The following EPB41L1 variants were observed in gnomAD, a reference collection of about 807,000 sequenced individuals.
EPB41L1 encodes band 4.1-like protein 1.
EPB41L1 carries 29 observed loss-of-function variants against 97.8 expected under a neutral mutation model. The observed-to-expected ratio is 0.30, with a 90% CI of 0.22 to 0.40. EPB41L1 has a LOEUF of 0.40. Ranked by LOEUF, EPB41L1 falls within the 10% of genes least tolerant of loss-of-function variation. The pLI is 1.00. For missense variants in EPB41L1, 812 were observed against 1,162.3 expected (o/e 0.70, Z 4.38); for synonymous variants, 383 against 459.2 (o/e 0.83, Z 2.12).
intron 2 of EPB41L1, among the ~76,000 whole-genome samples, chr20:36,149,333 T>C (rs962111922): frequency 6.6e-6 from 1 of 152,208 alleles, no homozygotes; most frequent in African/African-American, 2.4e-5. Flanking sequence ...TTGTATACTG[T>C]GACCTGCTAT....
chr20:36,131,800 T>G (rs935620538), intron 2 of EPB41L1, among the ~76,000 whole-genome samples: 1 of 152,194 alleles, frequency 6.6e-6, no homozygotes, highest in Non-Finnish European at 1.5e-5. Context: ...GTGCTCTCTT[T>G]CCCTGATGCC....
intron 5 of EPB41L1, among the ~76,000 whole-genome samples, chr20:36,179,548 C>T (rs1404035371): frequency 6.6e-6 from 1 of 152,204 alleles, no homozygotes; most frequent in African/African-American, 2.4e-5. Context: ...GAAAGCATGT[C>T]GGGAAGGGAT....
rs1408728776 is a variant in EPB41L1, at chr20:36,209,947, C to T, written c.2079+49C>T. 1.9e-6 allele frequency: 3 copies of T among 1,601,640 alleles called. No homozygotes were observed. The highest frequency in any genetic ancestry group is 1.1e-5 in the South Asian group (1 of 89,388). ...CCAGGCCCGCTGGGCACCGCATGCT[C>T]AGAGGGCCCTGGGCCACCCGTGAGA... On this transcript the variant is annotated intron_variant, in intron 15 of 21. Transcript: ENST00000338074. The surrounding 1 kb of genome is among the most constrained non-coding windows in gnomAD (Gnocchi z 4.2).
At position 36,190,900 on chromosome 20, in the gene EPB41L1, A is replaced by G; in HGVS notation, c.1300+103A>G. 12 of 1,477,616 alleles carry G rather than the reference A, an allele frequency of 8.1e-6. No homozygotes were observed. Among genetic ancestry groups the G allele is most frequent in the African/African-American group, 1.4e-5 (1 of 72,284 alleles). 91.5% of individuals were successfully genotyped at this position (1,477,616 alleles called of 1,614,324 possible). A position where few individuals can be genotyped will look rare whatever the true frequency, so the allele number is the denominator to read the frequency against. On this transcript the variant is annotated intron_variant, in intron 11 of 21. Coordinates refer to ENST00000338074, the MANE Select transcript of EPB41L1 (RefSeq NM_012156.2). This position sits in a 1 kb window ranked among gnomAD's most constrained non-coding sequence, Gnocchi z 5.8. ...GAATGAGCAGGAAAATGGTAGATGC[A>G]TCCCAAGTTCATCTGCACCAGGCTG...
At chr20:36,180,739 C>T (rs1242521168) in intron 5 of EPB41L1, among the ~76,000 whole-genome samples, 2 of 152,184 alleles carry the variant, frequency 1.3e-5, no homozygotes, top group Non-Finnish European at 1.5e-5. Flanking sequence ...TGCCTGCACA[C>T]AGTAGCACCC....
chr20:36,102,893 A>G (rs1016856651), intron 1 of EPB41L1, among the ~76,000 whole-genome samples: 3 of 152,102 alleles, frequency 2.0e-5, no homozygotes, highest in African/African-American at 7.2e-5. Context: ...TGCCAAGGGG[A>G]GGGCTGCGAA....
rs1490759199 is a variant in EPB41L1 at position 36,232,666 on chromosome 20, C to G, written c.*3326C>G. 2.5e-6 allele frequency: 1 copy of G among 398,908 alleles called. No homozygotes were observed. The highest frequency in any genetic ancestry group is 4.4e-6 in the Non-Finnish European group (1 of 226,132). The allele number at this position is 398,908 out of a possible 1,614,324, so 24.7% of individuals were successfully genotyped here. On this transcript the variant is annotated 3_prime_UTR_variant, in exon 22 of 22. Transcript: ENST00000338074. The stretch of plus-strand genomic sequence containing the variant: ...CAACCAATTGCGATGCTGTCCTGTT[C>G]CTTTTTACTCACACCCTTCTCTCCT...
intron 1 of EPB41L1, among the ~76,000 whole-genome samples, chr20:36,105,279 C>G (rs937334795): frequency 6.6e-6 from 1 of 152,068 alleles, no homozygotes. Context: ...CTTCCAAGGT[C>G]AGAGCTAGGA....
rs141620088 is a variant in EPB41L1 at position 36,221,867 on chromosome 20, G to A, written c.2443G>A (p.Val815Met). ...TCACCTCCCTCTCCCTCTGCAGACT[G>A]TGAAAGGAGGGTTTTCTGAGACAAG... ...TSTTTHVTKT[V>M]KGGFSETRIE... Residue 815 changes from valine to methionine, a missense_variant, in exon 20 of 22, where the codon GTG becomes ATG. By Grantham distance (21) the Val-to-Met change is conservative. This residue lies in a region of EPB41L1 where 498 missense variants were observed against 622.7 expected (regional missense o/e 0.80). Transcript: ENST00000338074. The A allele has an allele frequency of 3.1e-6, 5 of 1,614,062 alleles. No homozygotes were observed. Among genetic ancestry groups the A allele is most frequent in the African/African-American group, 1.3e-5 (1 of 74,930 alleles).
chr20:36,187,661 CT>C lies in EPB41L1; in HGVS notation c.786-12del, dbSNP rs1669824164. The C allele has an allele frequency of 8.7e-6, 14 of 1,612,090 alleles. No individual in the cohort carries two copies. The highest frequency in any genetic ancestry group is 1.2e-5 in the Non-Finnish European group (14 of 1,178,476). On this transcript the variant is annotated splice_polypyrimidine_tract_variant and intron_variant, in intron 7 of 21. Transcript: ENST00000338074. ...CCTTTCCCTTGGTCACCTGTGATCA[CT>C]TTCTTTCCCTCAGGGGGATGACCCC...
At chr20:36,153,636 C>T (rs1021273112), upstream of EPB41L1, among the ~76,000 whole-genome samples, 2 of 152,150 alleles carry the variant, frequency 1.3e-5, no homozygotes, top group Admixed American at 6.5e-5. Flanking sequence ...TATGCCTTCG[C>T]CATGAACTAG....
chr20:36,103,822 C>A (rs1163472000), intron 1 of EPB41L1, among the ~76,000 whole-genome samples: 1 of 151,680 alleles, frequency 6.6e-6, no homozygotes, highest in Admixed American at 6.6e-5. Context: ...CCTGCCTCAG[C>A]CTCCTGAGTA....
At chr20:36,140,085 C>T (rs372124024) in intron 2 of EPB41L1, among the ~76,000 whole-genome samples, 15 of 149,934 alleles carry the variant, frequency 1.0e-4, no homozygotes, top group African/African-American at 2.5e-4. Context: ...GACAGAGTCT[C>T]GCTCTGTCAC....
intron 14 of EPB41L1, among the ~76,000 whole-genome samples, chr20:36,204,974 C>T (rs1238120922): frequency 1.3e-5 from 2 of 152,176 alleles, no homozygotes; most frequent in African/African-American, 4.8e-5. Flanking sequence ...ATGCTTAGAT[C>T]TTTACCTCTC....
At position 36,206,571 on chromosome 20, in the gene EPB41L1, C is replaced by G; in HGVS notation, c.1669-2917C>G. On this transcript the variant is annotated intron_variant, in intron 14 of 21. Coordinates refer to ENST00000338074, the MANE Select transcript of EPB41L1 (RefSeq NM_012156.2). This position sits in a 1 kb window ranked among gnomAD's most constrained non-coding sequence, Gnocchi z 5.5. Reference sequence around the variant, plus strand: ...TGGATGCCCCTCCCGGAGGTGAGCCCAGGCCGACGCTGAATTCCTTAGACC... The same window carrying G: ...TGGATGCCCCTCCCGGAGGTGAGCCGAGGCCGACGCTGAATTCCTTAGACC... 1 of 1,289,832 alleles carries G rather than the reference C, an allele frequency of 7.8e-7. No individual in the cohort carries two copies. Among genetic ancestry groups the G allele is most frequent in the Non-Finnish European group, 1.0e-6 (1 of 988,872 alleles). The allele number at this position is 1,289,832 out of a possible 1,614,324, so 79.9% of individuals were successfully genotyped here. A position where few individuals can be genotyped will look rare whatever the true frequency, so the allele number is the denominator to read the frequency against.
chr20:36,177,837 C>T, intron 3 of EPB41L1, 115 bp from the exon 4 acceptor site: 1 of 833,038 alleles, frequency 1.2e-6, no homozygotes. Context: ...GCATTCCTGT[C>T]CAGACACCGA....
At chr20:36,103,248 G>T (rs1384689629) in intron 1 of EPB41L1, among the ~76,000 whole-genome samples, 1 of 152,174 alleles carries the variant, frequency 6.6e-6, no homozygotes, top group Admixed American at 6.6e-5. Flanking sequence ...CTTATTCTTT[G>T]CTTCCCAGCA....
chr20:36,174,050 A>C, intron 2 of EPB41L1, 96 bp downstream of exon 2: 2 of 1,314,138 alleles, frequency 1.5e-6, no homozygotes, highest in Non-Finnish European at 2.1e-6. Context: ...GGGAGGAAAG[A>C]AGGAAACTAA....
intron 18 of EPB41L1, 38 bp from the exon 19 acceptor site, chr20:36,219,723 A>C: frequency 6.3e-7 from 1 of 1,594,856 alleles, no homozygotes; most frequent in African/African-American, 1.3e-5. Flanking sequence ...CACTGTCCTT[A>C]CCTGACACCC....
Sources: gnomAD v4.1 joint callset for allele counts (sites outside exome capture counted in the v4.1 genomes callset) on GRCh38, gnomAD v4.1.1 for gene constraint, gnomAD v4.1.1 regional missense constraint, Gnocchi (gnomAD v3.1) non-coding constraint, MANE v1.5 for transcripts, NCBI Gene and HGNC (gene_info 2026-07-23, HGNC 2026-07-21) for gene names.